Variants in CSMD3 observed in about 807,000 individuals in gnomAD.
The protein encoded by CSMD3 is CUB and Sushi multiple domains 3.
Under a neutral mutation model 435.2 loss-of-function variants are expected in CSMD3, and 177 were observed. That is an observed-to-expected ratio of 0.41 (90% CI 0.36 to 0.46). The LOEUF is 0.46. CSMD3 is among the 20% of genes least tolerant of loss of function. The pLI, the probability that CSMD3 is intolerant of heterozygous loss-of-function variation, is 0.34. For synonymous variants in CSMD3, 1,656 were observed against 1,520.5 expected (o/e 1.09, Z -2.07); for missense variants, 4,265 against 4,504.6 (o/e 0.95, Z 1.52).
chr8:112,870,805 A>G (rs921646149), intron 10 of CSMD3, among the ~76,000 whole-genome samples: 1 of 151,936 alleles, frequency 6.6e-6, no homozygotes, highest in African/African-American at 2.4e-5. Flanking sequence ...GTTGCCCTAG[A>G]GAGATTATAT....
At chr8:112,305,113 C>T (rs1179667000) in intron 51 of CSMD3, among the ~76,000 whole-genome samples, 198 bp from the exon 52 acceptor site, 1 of 152,146 alleles carries the variant, frequency 6.6e-6, no homozygotes, top group East Asian at 1.9e-4. Flanking sequence ...CTGGAACACA[C>T]TCAATGGTTT....
At chr8:113,379,319 A>G (rs1563764064) in intron 1 of CSMD3, among the ~76,000 whole-genome samples, 1 of 152,314 alleles carries the variant, frequency 6.6e-6, no homozygotes, top group South Asian at 2.1e-4. Context: ...CATTCTGAGT[A>G]TTTTGTGGAT....
chr8:112,788,813 A>C (rs2132279333), intron 13 of CSMD3, among the ~76,000 whole-genome samples: 1 of 152,268 alleles, frequency 6.6e-6, no homozygotes, highest in African/African-American at 2.4e-5. Flanking sequence ...AAATTAAGTT[A>C]GACATTTTAG....
At chr8:112,909,519 C>T (rs1009618813) in intron 10 of CSMD3, among the ~76,000 whole-genome samples, 5 of 151,280 alleles carry the variant, frequency 3.3e-5, no homozygotes, top group African/African-American at 4.9e-5. Context: ...ATAAAAGCAA[C>T]GAATATGTTG....
intron 61 of CSMD3, 46 bp from the exon 62 acceptor site, chr8:112,255,473 G>A (rs1408973644): frequency 4.5e-6 from 7 of 1,549,090 alleles, no homozygotes; most frequent in Non-Finnish European, 6.2e-6. Context: ...TTAGTATACA[G>A]CAGAGTACAC....
intron 10 of CSMD3, 41 bp downstream of exon 10, chr8:112,921,586 C>T: frequency 6.5e-7 from 1 of 1,528,192 alleles, no homozygotes. Context: ...AAAGGTTAAA[C>T]TATTAAAATG....
At chr8:112,250,373 A>G (rs1327414819) in intron 63 of CSMD3, among the ~76,000 whole-genome samples, 2 of 151,746 alleles carry the variant, frequency 1.3e-5, no homozygotes, top group African/African-American at 4.8e-5. Flanking sequence ...ACAAATACTT[A>G]TACCTAATAT....
At chr8:112,867,733 G>A (rs549639563) in intron 10 of CSMD3, among the ~76,000 whole-genome samples, 1 of 152,238 alleles carries the variant, frequency 6.6e-6, no homozygotes, top group East Asian at 1.9e-4. Flanking sequence ...TGGTACACCT[G>A]TATAGGGGCA....
chr8:112,281,834 T>A (rs1240208283), intron 58 of CSMD3, among the ~76,000 whole-genome samples: 1 of 152,190 alleles, frequency 6.6e-6, no homozygotes, highest in Non-Finnish European at 1.5e-5. Context: ...AGTACATAAC[T>A]GTTTTGCATT....
At chr8:112,871,153 T>A (rs2081125015) in intron 10 of CSMD3, among the ~76,000 whole-genome samples, 1 of 152,174 alleles carries the variant, frequency 6.6e-6, no homozygotes, top group South Asian at 2.1e-4. Flanking sequence ...TTTAGGGATG[T>A]GCTAAGGAAA....
intron 13 of CSMD3, among the ~76,000 whole-genome samples, chr8:112,725,393 T>C (rs936076113): frequency 7.9e-5 from 12 of 151,566 alleles, no homozygotes; most frequent in African/African-American, 2.7e-4. Context: ...TTTGACTACC[T>C]GTGTAGATCT....
At chr8:113,236,818 T>G (rs1447937402) in intron 3 of CSMD3, among the ~76,000 whole-genome samples, 1 of 152,190 alleles carries the variant, frequency 6.6e-6, no homozygotes, top group Non-Finnish European at 1.5e-5. Flanking sequence ...TCTATCTATC[T>G]ATCTCTCTAT....
chr8:112,337,401 C>G (rs538424180), intron 43 of CSMD3, 142 bp downstream of exon 43: 2 of 715,382 alleles, frequency 2.8e-6, no homozygotes, highest in Admixed American at 4.2e-5. Context: ...CATTATAGAG[C>G]CTTAGGGGTT....
chr8:112,914,399 C>T (rs112555239), intron 10 of CSMD3, among the ~76,000 whole-genome samples: 5,117 of 151,736 alleles, frequency 0.034, 147 homozygotes, highest in Middle Eastern at 0.051. Flanking sequence ...AACAAAACAT[C>T]CATTCATTCA....
intron 3 of CSMD3, among the ~76,000 whole-genome samples, chr8:113,198,986 G>A (rs1212043814): frequency 5.3e-5 from 8 of 150,674 alleles, no homozygotes; most frequent in Non-Finnish European, 1.0e-4. Context: ...TCCAATAGAT[G>A]TTGAGTATTA....
intron 1 of CSMD3, among the ~76,000 whole-genome samples, chr8:113,422,646 T>C (rs1164153409): frequency 6.6e-6 from 1 of 152,064 alleles, no homozygotes; most frequent in East Asian, 1.9e-4. Flanking sequence ...CCTAGGGAGC[T>C]GGCTTGTAGA....
chr8:113,094,271 T>C (rs1338905450), intron 5 of CSMD3, among the ~76,000 whole-genome samples: 1 of 152,200 alleles, frequency 6.6e-6, no homozygotes, highest in Non-Finnish European at 1.5e-5. Context: ...TCCAAATTAA[T>C]GAAATTTCAT....
In CSMD3 at chr8:113,047,864, A is replaced by C. The variant is rs117905577; in HGVS notation, c.918-28685T>G. Among the ~76,000 whole-genome samples, 673 of 152,286 alleles carry C rather than the reference A, an allele frequency of 4.4e-3. 4 individuals carry two copies. Among genetic ancestry groups the C allele is most frequent in the Non-Finnish European group, 7.1e-3 (486 of 68,020 alleles). ...GTGTCACAGTGGCAAGCATAATCAA[A>C]TATTAAAGAATCCGTAACTAACACA... is the stretch of plus-strand genomic sequence containing the variant. On this transcript the variant is annotated intron_variant, in intron 5 of 70. Coordinates refer to ENST00000297405, the MANE Select transcript of CSMD3 (RefSeq NM_198123.2).
At chr8:113,193,836 TATGA>T (rs1260625284) in intron 3 of CSMD3, among the ~76,000 whole-genome samples, 22 of 151,514 alleles carry the variant, frequency 1.5e-4, no homozygotes, top group Non-Finnish European at 2.4e-4. Context: ...CAATCTTGTT[TATGA>T]ATAAGTATGA....
Sources: allele counts gnomAD v4.1 joint callset (sites outside exome capture counted in the v4.1 genomes callset), GRCh38; gene constraint gnomAD v4.1.1; transcripts MANE v1.5; gene names NCBI Gene and HGNC (gene_info 2026-07-23, HGNC 2026-07-21).